Variants in TRIM39 observed in about 807,000 individuals in gnomAD.
TRIM39 encodes the protein E3 ubiquitin-protein ligase TRIM39.
A neutral mutation model predicts 53.6 loss-of-function variants in TRIM39; 5 were observed. The observed-to-expected ratio is 0.09, with a 90% CI of 0.05 to 0.20. The LOEUF (loss-of-function observed/expected upper bound fraction) is 0.20, where lower values mean the gene tolerates loss of function less well. Ranked by LOEUF, TRIM39 falls within the 10% of genes least tolerant of loss-of-function variation. TRIM39 has a pLI of 1.00. For synonymous variants in TRIM39, 196 were observed against 237.6 expected (o/e 0.82, Z 1.61); for missense variants, 310 against 621.0 (o/e 0.50, Z 5.32).
rs1786253948 is a variant in TRIM39 at position 30,332,086 on chromosome 6, AG to A, written c.549+1212del. ...GGTAAACCTAGATATTCTTTAAGGTAGGTATTATTACCTTCAGCTTACACAG... is the reference window on the plus strand; with the variant it reads ...GGTAAACCTAGATATTCTTTAAGGTAGTATTATTACCTTCAGCTTACACAG... On this transcript the variant is annotated intron_variant, in intron 4 of 7. Transcript: ENST00000396551. Among the ~76,000 whole-genome samples the A allele has an allele frequency of 3.3e-5, 5 of 152,336 alleles. No homozygotes were observed. In the South Asian group the frequency reaches 1.0e-3, roughly 32 times the overall value.
intron 4 of TRIM39, among the ~76,000 whole-genome samples, chr6:30,334,618 C>T (rs559543087): frequency 6.6e-6 from 1 of 152,344 alleles, no homozygotes; most frequent in South Asian, 2.1e-4. Context: ...ATAACTCTTA[C>T]TGATTCTTAC....
chr6:30,333,689 C>G (rs1388300210), intron 4 of TRIM39, among the ~76,000 whole-genome samples: 2 of 152,176 alleles, frequency 1.3e-5, no homozygotes, highest in South Asian at 2.1e-4. Context: ...GAATATCCAG[C>G]AGAACATTAG....
At chr6:30,340,454 A>C in intron 6 of TRIM39, 51 bp from the exon 7 acceptor site, 1 of 1,611,680 alleles carries the variant, frequency 6.2e-7, no homozygotes, top group Non-Finnish European at 8.5e-7. Flanking sequence ...ACTTGGCTGG[A>C]GCTTCTCCCT....
chr6:30,340,671 T>C (rs2127412040), intron 7 of TRIM39, 51 bp downstream of exon 7: 2 of 1,569,748 alleles, frequency 1.3e-6, no homozygotes, highest in Non-Finnish European at 1.7e-6. Context: ...GAGAAGAAAG[T>C]TTTTAGGTCC....
intron 3 of TRIM39, among the ~76,000 whole-genome samples, chr6:30,330,378 A>T (rs1785993216): frequency 6.6e-6 from 1 of 152,252 alleles, no homozygotes; most frequent in Non-Finnish European, 1.5e-5. Context: ...AACTTACAGT[A>T]TAATAACCAT....
intron 7 of TRIM39, 128 bp downstream of exon 7, chr6:30,340,748 A>G: frequency 1.0e-6 from 1 of 988,438 alleles, no homozygotes; most frequent in South Asian, 1.7e-5. Context: ...CTACCCCTTT[A>G]TCTGGCTTTT....
At chr6:30,329,251 A>AG (rs1785826502) in intron 2 of TRIM39, 60 bp from the exon 3 acceptor site, 1 of 1,523,590 alleles carries the variant, frequency 6.6e-7, no homozygotes, top group Non-Finnish European at 8.8e-7. Context: ...CAAAAAAAAA[A>AG]AAAAGAAAAA....
chr6:30,331,998 C>T (rs1786242916), intron 4 of TRIM39, among the ~76,000 whole-genome samples: 2 of 152,090 alleles, frequency 1.3e-5, no homozygotes, highest in African/African-American at 4.8e-5. Flanking sequence ...ATAAGTGAGA[C>T]ATAGAAAAGC....
chr6:30,332,526 C>T (rs1206155695), intron 4 of TRIM39, among the ~76,000 whole-genome samples: 3 of 152,138 alleles, frequency 2.0e-5, no homozygotes, highest in Non-Finnish European at 4.4e-5. Context: ...TACCTTAGTG[C>T]CTTATACATT....
At chr6:30,331,468 T>A (rs3094067) in intron 4 of TRIM39, among the ~76,000 whole-genome samples, 2 of 152,106 alleles carry the variant, frequency 1.3e-5, no homozygotes, top group African/African-American at 2.4e-5. Context: ...TGCCTCTTGG[T>A]CTCCTTTTTT....
chr6:30,330,859 A>C (rs1439573296), exon 4 of TRIM39: 1 of 1,614,034 alleles, frequency 6.2e-7, no homozygotes, highest in African/African-American at 1.3e-5. Context: ...TGAGGAGAAG[A>C]AGCCTGGTGA....
chr6:30,330,856 A>G (rs1786060375), exon 4 of TRIM39: 21 of 1,614,024 alleles, frequency 1.3e-5, no homozygotes, highest in Non-Finnish European at 1.8e-5. Flanking sequence ...CTCTGAGGAG[A>G]AGAAGCCTGG....
At chr6:30,340,074 T>C in intron 6 of TRIM39, 144 bp downstream of exon 6, 2 of 1,345,504 alleles carry the variant, frequency 1.5e-6, no homozygotes, top group Non-Finnish European at 2.1e-6. Context: ...ATTGTGCCCA[T>C]GAAGCCAGTT....
At chr6:30,341,617 G>T in intron 7 of TRIM39, 95 bp from the exon 8 acceptor site, 1 of 1,490,892 alleles carries the variant, frequency 6.7e-7, no homozygotes, top group South Asian at 1.4e-5. Context: ...ACCTTTAAGG[G>T]ACCAGGCTCT....
rs1371904745 is a variant in TRIM39, at chr6:30,341,628, G to T, written c.920-84G>T. The stretch of plus-strand genomic sequence containing the variant: ...GGGGACCTTTAAGGGACCAGGCTCT[G>T]TAAAGGCAGGCTGGAAGAGTGAGGC... On this transcript the variant is annotated intron_variant, in intron 7 of 7. Transcript: ENST00000396551. 7.3e-6 allele frequency: 11 copies of T among 1,501,758 alleles called. No individual in the cohort carries two copies. The African/African-American group carries it at 1.4e-4, about 19-fold the overall frequency. The allele number at this position is 1,501,758 out of a possible 1,614,324, so 93.0% of individuals were successfully genotyped here.
At chr6:30,337,519 G>A (rs1787013099) in intron 5 of TRIM39, among the ~76,000 whole-genome samples, 1 of 152,096 alleles carries the variant, frequency 6.6e-6, no homozygotes, top group South Asian at 2.1e-4. Context: ...GACCAGTCTG[G>A]GCAATATAGC....
intron 6 of TRIM39, chr6:30,340,169 A>T: frequency 8.9e-7 from 1 of 1,125,506 alleles, no homozygotes; most frequent in Non-Finnish European, 1.3e-6. Flanking sequence ...AGGTAGAATC[A>T]GATTCTACTT....
rs1374067672 is a variant in TRIM39, at chr6:30,342,296, G to T, written c.*37G>T. The T allele has an allele frequency of 1.5e-5, 24 of 1,600,094 alleles. No homozygotes were observed. The highest frequency in any genetic ancestry group is 5.6e-5 in the South Asian group (5 of 88,972). ...GTGGGAATGACTGGGGTGAGGCAGG[G>T]TCAAGTGCTACGGGCCTCCTTCCCG... On this transcript the variant is annotated 3_prime_UTR_variant, in exon 8 of 8. Coordinates refer to ENST00000396551, the Ensembl canonical transcript of TRIM39. The surrounding 1 kb of genome is among the most constrained non-coding windows in gnomAD (Gnocchi z 4.7).
chr6:30,331,077 C>T (rs7763488), intron 4 of TRIM39, among the ~76,000 whole-genome samples: 17,433 of 152,126 alleles, frequency 0.11, 1,506 homozygotes, highest in African/African-American at 0.24. Context: ...TGAGACCACC[C>T]TGGGCAACAT....
Sources: gnomAD v4.1 joint callset for allele counts (sites outside exome capture counted in the v4.1 genomes callset) on GRCh38, gnomAD v4.1.1 for gene constraint, Gnocchi (gnomAD v3.1) non-coding constraint, MANE v1.5 for transcripts, NCBI Gene and HGNC (gene_info 2026-07-23, HGNC 2026-07-21) for gene names.